Variants in JADE1 observed in about 807,000 individuals in gnomAD.
The protein encoded by JADE1 is protein Jade-1.
JADE1 carries 14 observed loss-of-function variants against 81.8 expected under a neutral mutation model. That is an observed-to-expected ratio of 0.17 (90% CI 0.11 to 0.27). The LOEUF is 0.27. Ranked by LOEUF, JADE1 falls within the 10% of genes least tolerant of loss-of-function variation. The probability of loss-of-function intolerance (pLI) is 1.00; values close to 1 mark genes in which losing one functional copy is unlikely to be tolerated. For missense variants in JADE1, 690 were observed against 1,047.9 expected, an observed-to-expected ratio of 0.66 and a Z score of 4.71; for synonymous variants, 353 against 391.9, an observed-to-expected ratio of 0.90 and a Z score of 1.17.
chr4:128,851,331 T>C (rs1730337405), intron 5 of JADE1, among the ~76,000 whole-genome samples: 1 of 152,202 alleles, frequency 6.6e-6, no homozygotes, highest in Non-Finnish European at 1.5e-5. Flanking sequence ...GAAATCTGTT[T>C]TGAGAGAACT....
At chr4:128,858,966 T>G (rs1466478684) in intron 8 of JADE1, among the ~76,000 whole-genome samples, 3 of 152,196 alleles carry the variant, frequency 2.0e-5, no homozygotes, top group Non-Finnish European at 4.4e-5. Context: ...TCACTTTGAC[T>G]AGTGTTCAAG....
chr4:128,863,501 T>C, intron 9 of JADE1: 1 of 985,364 alleles, frequency 1.0e-6, no homozygotes, highest in Non-Finnish European at 1.2e-6. Context: ...GAAGTGAAAG[T>C]CTTAAAGGGA....
intron 3 of JADE1, among the ~76,000 whole-genome samples, chr4:128,844,786 G>A (rs1049645497): frequency 3.3e-5 from 5 of 152,120 alleles, no homozygotes; most frequent in Admixed American, 3.3e-4. Flanking sequence ...CTTTAGAAAT[G>A]AAGAGTGGCA....
rs376255869 is a variant in JADE1, at chr4:128,846,519, C to G, written c.283C>G (p.Gln95Glu). The part of the protein sequence containing the change: ...QVPVSPGTIP[Q>E]PVARVVSEEK... ...GCCTGTGAGCCCGGGGACCATCCCT[C>G]AGCCTGTGGCCAGGTAGAGATGCCC... The change falls in exon 4 of 11, where the codon CAG becomes GAG. Residue 95 changes from glutamine to glutamate, a missense_variant. Transcript: ENST00000226319. The surrounding 1 kb of genome is among the most constrained non-coding windows in gnomAD (Gnocchi z 4.0). 1 of 1,614,140 alleles carries G rather than the reference C, an allele frequency of 6.2e-7. No homozygotes were observed. The highest frequency in any genetic ancestry group is 8.5e-7 in the Non-Finnish European group (1 of 1,180,014).
chr4:128,829,118 G>A (rs1189476371), intron 1 of JADE1, among the ~76,000 whole-genome samples: 1 of 152,184 alleles, frequency 6.6e-6, no homozygotes, highest in Non-Finnish European at 1.5e-5. Flanking sequence ...TGCAGTTGGT[G>A]TTTTTGGCAC....
intron 9 of JADE1, chr4:128,864,330 T>C: frequency 1.7e-6 from 1 of 594,766 alleles, no homozygotes; most frequent in Non-Finnish European, 2.1e-6. Flanking sequence ...GTATTTTTAG[T>C]AGAGACGGTT....
chr4:128,843,866 T>A (rs545474268), intron 3 of JADE1, among the ~76,000 whole-genome samples: 1 of 152,256 alleles, frequency 6.6e-6, no homozygotes, highest in East Asian at 1.9e-4. Context: ...ATAGGGAACG[T>A]CAGAAGGCTG....
Position 128,872,778 on chromosome 4 carries a change from C to A in JADE1, c.*516C>A. The A allele has an allele frequency of 2.7e-6, 1 of 366,136 alleles. No homozygotes were observed. Among genetic ancestry groups the A allele is most frequent in the Non-Finnish European group, 5.6e-6 (1 of 178,646 alleles). 22.7% of individuals were successfully genotyped at this position (366,136 alleles called of 1,614,324 possible). On this transcript the variant is annotated 3_prime_UTR_variant, in exon 11 of 11. Transcript: ENST00000226319. ...TTGCATTATAGCATATAGGCAGCAG[C>A]TCTGAAGCTTCAGTAACACTAAGAA...
rs1426466681 is a variant in JADE1, at chr4:128,874,116, G to C, written c.*1854G>C. ...AGCTTGTTGCTGCAGATAATAGAAG[G>C]TTCTTATGAATCCAAGTTGTATATT... is the stretch of plus-strand genomic sequence containing the variant. On this transcript the variant is annotated 3_prime_UTR_variant, in exon 11 of 11. Transcript: ENST00000226319. The C allele has an allele frequency of 2.0e-5, 3 of 152,504 alleles. No homozygotes were observed. The highest frequency in any genetic ancestry group is 2.0e-4 in the Admixed American group (3 of 15,272). The allele number at this position is 152,504 out of a possible 1,614,324, so 9.4% of individuals were successfully genotyped here.
Position 128,872,211 on chromosome 4 carries a change from C to T in JADE1, c.2478C>T (p.Ser826=), listed in dbSNP as rs1560786770. The part of the protein sequence containing the change: ...ASEKKCIHTS[S]TISRRTDIIR... ...AAAAGAAATGTATACACACCAGCAG[C>T]ACTATCAGCAGAAGGACAGACATTA... The change falls in exon 11 of 11, where the codon AGC becomes AGT. Residue 826 remains serine (S), a synonymous_variant. Coordinates refer to ENST00000226319, the MANE Select transcript of JADE1 (RefSeq NM_199320.4). The T allele has an allele frequency of 6.2e-7, 1 of 1,614,150 alleles. No homozygotes were observed.
intron 1 of JADE1, chr4:128,831,527 C>T (rs1444738346): frequency 3.7e-6 from 2 of 537,040 alleles, no homozygotes; most frequent in Non-Finnish European, 6.6e-6. Context: ...GTGACTTCTC[C>T]ACCCCTCCCC....
At position 128,871,872 on chromosome 4, in the gene JADE1, A is replaced by G. The variant is rs146819579; in HGVS notation, c.2139A>G (p.Thr713=). The change falls in exon 11 of 11, where the codon ACA becomes ACG. Residue 713 remains threonine, a synonymous_variant. Transcript: ENST00000226319. This position sits in a 1 kb window ranked among gnomAD's most constrained non-coding sequence, Gnocchi z 4.1. ...GAGTGGGGCAGTCAGCACCTGGCAC[A>G]AGGAAGGAGATAGTGCCCAAGTGCA... is the stretch of plus-strand genomic sequence containing the variant. ...SPGVGQSAPG[T]RKEIVPKCNG... 13 of 1,613,936 alleles carry G rather than the reference A, an allele frequency of 8.1e-6. No individual in the cohort carries two copies. The highest frequency in any genetic ancestry group is 1.1e-5 in the Non-Finnish European group (13 of 1,179,968).
At chr4:128,842,356 G>A (rs1250927444) in intron 2 of JADE1, among the ~76,000 whole-genome samples, 2 of 151,314 alleles carry the variant, frequency 1.3e-5, no homozygotes, top group African/African-American at 4.9e-5. Flanking sequence ...CTGGAGTGCA[G>A]TGACGCAGTC....
At chr4:128,817,234 C>CCTT (rs1727123688) in intron 1 of JADE1, among the ~76,000 whole-genome samples, 1 of 152,046 alleles carries the variant, frequency 6.6e-6, no homozygotes. Context: ...TGAGGTTTCA[C>CCTT]TATGTTGCTC....
chr4:128,873,936 C>T lies in JADE1; in HGVS notation c.*1674C>T, dbSNP rs1732387023. The T allele has an allele frequency of 6.6e-6, 1 of 152,620 alleles. No individual in the cohort carries two copies. The highest frequency in any genetic ancestry group is 1.5e-5 in the Non-Finnish European group (1 of 68,040). The allele number at this position is 152,620 out of a possible 1,614,324, so 9.5% of individuals were successfully genotyped here. A position where few individuals can be genotyped will look rare whatever the true frequency, so the allele number is the denominator to read the frequency against. ...TGATCAAATAGTAGATCTGATACAT[C>T]CCCATTGTATGTACGACATTTTCAA... On this transcript the variant is annotated 3_prime_UTR_variant, in exon 11 of 11. Coordinates refer to ENST00000226319, the MANE Select transcript of JADE1 (RefSeq NM_199320.4).
At chr4:128,812,243 G>C (rs1278618995) in intron 1 of JADE1, among the ~76,000 whole-genome samples, 1 of 152,066 alleles carries the variant, frequency 6.6e-6, no homozygotes, top group Non-Finnish European at 1.5e-5. Context: ...TAATTCCGGC[G>C]GAGGTGCCGG....
intron 1 of JADE1, among the ~76,000 whole-genome samples, chr4:128,815,542 G>A (rs1403653753): frequency 1.3e-5 from 2 of 152,180 alleles, no homozygotes; most frequent in African/African-American, 4.8e-5. Flanking sequence ...TCATCTGCTT[G>A]CTTGATGTTA....
At chr4:128,853,870 T>C (rs749407509) in intron 6 of JADE1, among the ~76,000 whole-genome samples, 1 of 152,146 alleles carries the variant, frequency 6.6e-6, no homozygotes, top group Non-Finnish European at 1.5e-5. Context: ...GGCTCCTTGA[T>C]AGGGAGACCT....
rs1732302314 is a variant in JADE1, at chr4:128,872,974, G to A, written c.*712G>A. The stretch of plus-strand genomic sequence containing the variant: ...TGTGGATATGGGACTGGTGGAGAGT[G>A]AGACTGTTAGGAAAGTTGTATCTAT... On this transcript the variant is annotated 3_prime_UTR_variant, in exon 11 of 11. Transcript: ENST00000226319. The A allele has an allele frequency of 2.2e-6, 1 of 451,202 alleles. No homozygotes were observed. The highest frequency in any genetic ancestry group is 4.5e-6 in the Non-Finnish European group (1 of 223,710). 27.9% of individuals were successfully genotyped at this position (451,202 alleles called of 1,614,324 possible).
Sources: gnomAD v4.1 joint callset for allele counts (sites outside exome capture counted in the v4.1 genomes callset) on GRCh38, gnomAD v4.1.1 for gene constraint, Gnocchi (gnomAD v3.1) non-coding constraint, MANE v1.5 for transcripts, NCBI Gene and HGNC (gene_info 2026-07-23, HGNC 2026-07-21) for gene names.